The following COL17A1 variants were observed in gnomAD, a reference collection of about 807,000 sequenced individuals.
COL17A1 encodes the protein collagen alpha-1(XVII) chain.
A neutral mutation model predicts 218.4 loss-of-function variants in COL17A1; 181 were observed. The observed-to-expected ratio is 0.83, with a 90% confidence interval of 0.73 to 0.94. The LOEUF (loss-of-function observed/expected upper bound fraction) is 0.94. Among genes scored for constraint, COL17A1 ranks in the 40% least tolerant of loss-of-function variants. The probability of loss-of-function intolerance (pLI) is 0.00; values close to 1 mark genes in which losing one functional copy is unlikely to be tolerated. For missense variants in COL17A1, 1,924 were observed against 1,945.9 expected, an observed-to-expected ratio of 0.99 and a Z score of 0.21; for synonymous variants, 721 against 731.0, an observed-to-expected ratio of 0.99 and a Z score of 0.22.
intron 31 of COL17A1, among the ~76,000 whole-genome samples, chr10:104,047,279 G>T (rs2086421157): frequency 6.9e-6 from 1 of 145,838 alleles, no homozygotes. Flanking sequence ...TCTAACAATG[G>T]CTTCCTCCTC....
rs61731085 is a variant in COL17A1, at chr10:104,076,308, C to A, written c.324G>T (p.Ala108=). ...GGTTAGTGGGACTGATACCTTCATA[C>A]GCATGGCGGGTAACGTGAGTTTTCC... ...FERKTHVTRH[A]YEGSSSGNSS... Residue 108 remains alanine, a synonymous_variant, in exon 5 of 56, where the codon GCG becomes GCT. Transcript: ENST00000648076. 2 of 1,613,904 alleles carry A rather than the reference C, an allele frequency of 1.2e-6. No homozygotes were observed. The highest frequency in any genetic ancestry group is 2.2e-5 in the East Asian group (1 of 44,880).
At chr10:104,035,732 C>T (rs906538594) in intron 48 of COL17A1, among the ~76,000 whole-genome samples, 169 bp from the exon 49 acceptor site, 2 of 150,576 alleles carry the variant, frequency 1.3e-5, no homozygotes, top group Admixed American at 6.6e-5. Context: ...AACGGAGGGG[C>T]CCACGGGGCC....
At chr10:104,081,202 AT>A (rs1395597664) in intron 1 of COL17A1, among the ~76,000 whole-genome samples, 1 of 152,234 alleles carries the variant, frequency 6.6e-6, no homozygotes, top group African/African-American at 2.4e-5. Context: ...CAGGATAAAA[AT>A]AATTATATTT....
chr10:104,080,725 T>G (rs773239071), intron 1 of COL17A1, 41 bp from the exon 2 acceptor site: 1 of 1,605,154 alleles, frequency 6.2e-7, no homozygotes, highest in Admixed American at 1.7e-5. Flanking sequence ...ATACTTATCA[T>G]TGTTTTTAGT....
In COL17A1 at chr10:104,032,971, G is replaced by A. The variant is rs760269560; in HGVS notation, c.4295-3C>T. ...GGGTCCTTGAATGGCTCCATAAGCTGCAAAAGCAAGGAAACACTGGCCTTA... is the reference window on the plus strand; with the variant it reads ...GGGTCCTTGAATGGCTCCATAAGCTACAAAAGCAAGGAAACACTGGCCTTA... On this transcript the variant is annotated splice_region_variant and splice_polypyrimidine_tract_variant and intron_variant, in intron 53 of 55. Transcript: ENST00000648076. The A allele has an allele frequency of 1.2e-5, 19 of 1,613,336 alleles. No homozygotes were observed. The highest frequency in any genetic ancestry group is 1.5e-5 in the Non-Finnish European group (18 of 1,179,720).
intron 48 of COL17A1, 147 bp from the exon 49 acceptor site, chr10:104,035,710 G>C: frequency 8.9e-6 from 6 of 675,464 alleles, no homozygotes; most frequent in Non-Finnish European, 1.3e-5. Flanking sequence ...GAGAGGAGGA[G>C]CCCAAAGGAG....
chr10:104,031,983 G>A lies in COL17A1; in HGVS notation c.*252C>T. ...AAGGAGTTCAGATCTAGATAGCAGA[G>A]AAGTAAGTCTCATTCTAAAACATTG... is the stretch of plus-strand genomic sequence containing the variant. On this transcript the variant is annotated 3_prime_UTR_variant, in exon 56 of 56. Coordinates refer to ENST00000648076, the MANE Select transcript of COL17A1 (RefSeq NM_000494.4). The A allele has an allele frequency of 1.7e-6, 1 of 582,494 alleles. No homozygotes were observed. Among genetic ancestry groups the A allele is most frequent in the Non-Finnish European group, 3.1e-6 (1 of 326,570 alleles). The allele number at this position is 582,494 out of a possible 1,614,324, so 36.1% of individuals were successfully genotyped here. A position where few individuals can be genotyped will look rare whatever the true frequency, so the allele number is the denominator to read the frequency against.
intron 31 of COL17A1, 99 bp from the exon 32 acceptor site, chr10:104,046,872 G>T (rs1450441963): frequency 2.8e-6 from 3 of 1,082,344 alleles, no homozygotes; most frequent in Non-Finnish European, 4.2e-6. Context: ...CTGCAGTGGA[G>T]GGGTCAGTGG....
chr10:104,079,382 T>TGCATGTATGTGTGTGTGTGTGTG (rs2086742464), intron 2 of COL17A1, among the ~76,000 whole-genome samples: 1 of 152,078 alleles, frequency 6.6e-6, no homozygotes, highest in Non-Finnish European at 1.5e-5. Flanking sequence ...TGTGTATGTG[T>TGCATGTATGTGTGTGTGTGTGTG]GCATGTATGT....
Position 104,034,763 on chromosome 10 carries a change from G to T in COL17A1, c.3624C>A (p.Ala1208=). The T allele has an allele frequency of 6.2e-7, 1 of 1,612,254 alleles. No individual in the cohort carries two copies. Among genetic ancestry groups the T allele is most frequent in the Non-Finnish European group, 8.5e-7 (1 of 1,179,702 alleles). Residue 1208 remains alanine, a synonymous_variant, in exon 51 of 56, where the codon GCC becomes GCA. Transcript: ENST00000648076. ...VEDLSSYLHT[A]GLSFIPGPPG... ...GAGGGCCTGGGATGAATGACAAGCC[G>T]GCAGCTGGGCAGAAGGAAGAGAAAG...
At position 104,034,697 on chromosome 10, in the gene COL17A1, AC is replaced by A; in HGVS notation, c.3689del (p.Gly1230ValfsTer21). 1 of 1,609,712 alleles carries A rather than the reference AC, an allele frequency of 6.2e-7. No homozygotes were observed. Among genetic ancestry groups the A allele is most frequent in the Non-Finnish European group, 8.5e-7 (1 of 1,178,680 alleles). On this transcript the variant is annotated frameshift_variant, in exon 51 of 56. Transcript: ENST00000648076. LOFTEE classifies it high-confidence loss of function. ...CATAGGTTGCCAGGGCTCCTGAGAC[AC>A]CCGGGGGCCCTCGAGGCCCTGGGGG... ...PGPPGPRGPP[G>X]VSGALATYAA...
At chr10:104,043,448 A>C in intron 35 of COL17A1, 53 bp downstream of exon 35, 1 of 1,487,438 alleles carries the variant, frequency 6.7e-7, no homozygotes, top group Non-Finnish European at 9.3e-7. Flanking sequence ...GGCTAGAGTC[A>C]CTACCGCCAA....
chr10:104,079,926 CAAA>C (rs11369650), intron 2 of COL17A1, among the ~76,000 whole-genome samples: 1 of 134,998 alleles, frequency 7.4e-6, no homozygotes, highest in Non-Finnish European at 1.6e-5. Flanking sequence ...GACTCCGTCT[CAAA>C]AAAAAAAAAA....
At chr10:104,035,909 GGAGTGTGTAT>G (rs2086280423) in intron 48 of COL17A1, among the ~76,000 whole-genome samples, 1 of 16,514 alleles carries the variant, frequency 6.1e-5, no homozygotes, top group African/African-American at 1.5e-4. Flanking sequence ...CGTGTGTATG[GGAGTGTGTAT>G]GAGTGTGTGT....
chr10:104,039,340 A>G (rs769001608), intron 43 of COL17A1, 105 bp downstream of exon 43: 44 of 1,324,814 alleles, frequency 3.3e-5, no homozygotes, highest in Admixed American at 7.0e-5. Flanking sequence ...CTCTCTCCCA[A>G]GACTTTACAC....
At chr10:104,035,227 C>G (rs2086263891) in intron 50 of COL17A1, 36 bp downstream of exon 50, 1 of 1,569,460 alleles carries the variant, frequency 6.4e-7, no homozygotes, top group Admixed American at 1.7e-5. Context: ...CCGGCTGCAT[C>G]CCCTGCCCTC....
intron 3 of COL17A1, 59 bp downstream of exon 3, chr10:104,078,483 G>T: frequency 6.2e-7 from 1 of 1,611,978 alleles, no homozygotes; most frequent in Non-Finnish European, 8.5e-7. Flanking sequence ...AAAGGTTACA[G>T]GTGTGGGGCC....
rs1378629798 is a variant in COL17A1, at chr10:104,037,775, T to C, written c.3071-2A>G. On this transcript the variant is annotated splice_acceptor_variant, in intron 45 of 55. Coordinates refer to ENST00000648076, the MANE Select transcript of COL17A1 (RefSeq NM_000494.4). LOFTEE classifies it high-confidence loss of function. Reference sequence around the variant, plus strand: ...ATAGGTAAGATCTAATACTGTCACCTGCCGACCAAGGAACAAAGCAAAGTC... The same window carrying C: ...ATAGGTAAGATCTAATACTGTCACCCGCCGACCAAGGAACAAAGCAAAGTC... 6.2e-7 allele frequency: 1 copy of C among 1,613,746 alleles called. No individual in the cohort carries two copies. The highest frequency in any genetic ancestry group is 8.5e-7 in the Non-Finnish European group (1 of 1,179,914).
rs2086265469 is a variant in COL17A1, at chr10:104,035,255, T to A, written c.3619+8A>T. On this transcript the variant is annotated splice_region_variant and intron_variant, in intron 50 of 55. Coordinates refer to ENST00000648076, the MANE Select transcript of COL17A1 (RefSeq NM_000494.4). ...CTGCCCTCCCCATCCCACTCCACAG[T>A]GCCCTACTATGTAAGTAAGACGAGA... 1 of 1,609,696 alleles carries A rather than the reference T, an allele frequency of 6.2e-7. No homozygotes were observed. The highest frequency in any genetic ancestry group is 8.5e-7 in the Non-Finnish European group (1 of 1,177,170).
Sources: allele counts gnomAD v4.1 joint callset (sites outside exome capture counted in the v4.1 genomes callset), GRCh38; gene constraint gnomAD v4.1.1; transcripts MANE v1.5; gene names NCBI Gene and HGNC (gene_info 2026-07-23, HGNC 2026-07-21).